Variants in TTC3 observed in about 807,000 individuals in gnomAD.
The protein encoded by TTC3 is E3 ubiquitin-protein ligase TTC3.
Under a neutral mutation model 249.6 loss-of-function variants are expected in TTC3, and 180 were observed. That is an observed-to-expected ratio of 0.72 (90% CI 0.64 to 0.82). The LOEUF is 0.82. Ranked by LOEUF, TTC3 falls within the 40% of genes least tolerant of loss-of-function variation. The pLI is 0.00. For missense variants in TTC3, 2,061 were observed against 2,398.4 expected, an observed-to-expected ratio of 0.86 and a Z score of 2.94; for synonymous variants, 717 against 805.0, an observed-to-expected ratio of 0.89 and a Z score of 1.85.
intron 11 of TTC3, among the ~76,000 whole-genome samples, chr21:37,108,854 C>T (rs1041960344): frequency 4.6e-5 from 7 of 152,168 alleles, no homozygotes; most frequent in Middle Eastern, 3.4e-3. Context: ...TTGGCTATAT[C>T]GAACTTAAAA....
intron 21 of TTC3, among the ~76,000 whole-genome samples, chr21:37,145,301 A>T (rs2078886465): frequency 6.6e-6 from 1 of 152,222 alleles, no homozygotes; most frequent in African/African-American, 2.4e-5. Flanking sequence ...TAATAAAAAG[A>T]CAAATAATCT....
chr21:37,192,019 C>A, intron 40 of TTC3, 93 bp from the exon 41 acceptor site: 1 of 779,344 alleles, frequency 1.3e-6, no homozygotes, highest in African/African-American at 1.8e-5. Context: ...AATTTCCTTA[C>A]CAAGACAGTT....
At chr21:37,144,757 A>G (rs773935814) in intron 21 of TTC3, 112 bp downstream of exon 21, 30 of 1,331,390 alleles carry the variant, frequency 2.3e-5, no homozygotes, top group Non-Finnish European at 3.1e-5. Context: ...CCTCCCTTAC[A>G]CGCATTTCCC....
At chr21:37,140,184 G>A (rs1257475159) in intron 19 of TTC3, among the ~76,000 whole-genome samples, 2 of 151,816 alleles carry the variant, frequency 1.3e-5, no homozygotes, top group South Asian at 2.1e-4. Context: ...CAAGGGATTA[G>A]CACTTAATAG....
At chr21:37,110,291 A>G (rs1168581223) in intron 11 of TTC3, among the ~76,000 whole-genome samples, 1 of 152,224 alleles carries the variant, frequency 6.6e-6, no homozygotes, top group Non-Finnish European at 1.5e-5. Context: ...ACCAATGGCA[A>G]AGAAGTTAGA....
chr21:37,163,544 T>G (rs900932031), intron 31 of TTC3, among the ~76,000 whole-genome samples: 7 of 152,076 alleles, frequency 4.6e-5, no homozygotes, highest in African/African-American at 1.4e-4. Flanking sequence ...GGGACGGGGT[T>G]TTTCCATGTT....
intron 1 of TTC3, chr21:37,082,612 G>A: frequency 2.0e-6 from 2 of 985,356 alleles, no homozygotes; most frequent in Non-Finnish European, 2.4e-6. Context: ...CTAAACTGTA[G>A]CCAGGTTTAA....
chr21:37,195,824 G>GCTGTTGC lies in TTC3; in HGVS notation c.5369_5375dup (p.Gly1793ValfsTer10). On this transcript the variant is annotated frameshift_variant, in exon 42 of 46. Coordinates refer to ENST00000355666, the Ensembl canonical transcript of TTC3. LOFTEE classifies it high-confidence loss of function. ...ATTCCCCAGGGGAGGCTCCTTCTGC[G>GCTGTTGC]CTGTTGCCAGGGCCACCCCCTGGTC... 1 of 1,614,212 alleles carries GCTGTTGC rather than the reference G, an allele frequency of 6.2e-7. No individual in the cohort carries two copies.
At chr21:37,124,583 A>G (rs2835613) in intron 13 of TTC3, 36 bp from the exon 14 acceptor site, 768,776 of 1,594,280 alleles carry the variant, frequency 0.48, 189,037 homozygotes, top group African/African-American at 0.64. Flanking sequence ...ATAACTTTCA[A>G]AAAATGTATA....
intron 2 of TTC3, 132 bp from the exon 3 acceptor site, chr21:37,087,701 T>G: frequency 1.3e-6 from 1 of 796,968 alleles, no homozygotes; most frequent in Non-Finnish European, 2.0e-6. Context: ...TTAAGACTCT[T>G]TGGCTGAAGA....
intron 11 of TTC3, among the ~76,000 whole-genome samples, chr21:37,111,606 T>C (rs896188713): frequency 1.3e-5 from 2 of 152,158 alleles, no homozygotes; most frequent in African/African-American, 4.8e-5. Flanking sequence ...AATGGGAGAC[T>C]TTAACACCCC....
chr21:37,159,869 G>A (rs1170004411), intron 29 of TTC3, 124 bp downstream of exon 29: 41 of 838,396 alleles, frequency 4.9e-5, no homozygotes, highest in East Asian at 7.7e-5. Context: ...TTAAAAGGAC[G>A]TCTGGGTAGT....
chr21:37,104,679 C>G (rs2074901663), intron 10 of TTC3, among the ~76,000 whole-genome samples: 1 of 151,160 alleles, frequency 6.6e-6, no homozygotes, highest in African/African-American at 2.4e-5. Flanking sequence ...GTCTGGAACT[C>G]AAAGGAGGGT....
chr21:37,150,870 A>C, exon 25 of TTC3: 1 of 1,608,648 alleles, frequency 6.2e-7, no homozygotes, highest in East Asian at 2.2e-5. Flanking sequence ...CTATTCTGAA[A>C]CAGAAATGTT....
chr21:37,120,459 C>A (rs2076491969), intron 11 of TTC3, among the ~76,000 whole-genome samples: 1 of 152,072 alleles, frequency 6.6e-6, no homozygotes, highest in African/African-American at 2.4e-5. Flanking sequence ...GGTTTATGAT[C>A]TATCATTATT....
chr21:37,179,918 T>C (rs935128291), intron 35 of TTC3, among the ~76,000 whole-genome samples: 5 of 152,220 alleles, frequency 3.3e-5, no homozygotes, highest in Non-Finnish European at 5.9e-5. Context: ...ATTTAATGAA[T>C]TGTGTTTTCA....
At chr21:37,169,856 A>AC (rs200316305) in intron 34 of TTC3, among the ~76,000 whole-genome samples, 1,600 of 151,938 alleles carry the variant, frequency 0.011, 25 homozygotes, top group African/African-American at 0.037. Context: ...TCAAAAAAAA[A>AC]AAAACAAAAA....
chr21:37,100,756 A>G (rs1404940065), intron 10 of TTC3: 4 of 152,126 alleles, frequency 2.6e-5, no homozygotes, highest in African/African-American at 7.2e-5. Flanking sequence ...CACATTGAGG[A>G]TTGTGTTTAT....
rs35551483 is a variant in TTC3 at position 37,089,984 on chromosome 21, C to CAA, written c.427-236_427-235dup. Among the ~76,000 whole-genome samples the CAA allele has an allele frequency of 5.0e-3, 711 of 141,866 alleles. 11 individuals carry two copies. The highest frequency in any genetic ancestry group is 0.017 in the African/African-American group (627 of 37,904). 93.1% of individuals were successfully genotyped at this position (141,866 alleles called of 152,430 possible). ...TGGGTGACAGAGTGAGACCCTGTCT[C>CAA]AAAAAAAAAAAAAATTCACATGTCT... On this transcript the variant is annotated intron_variant, in intron 5 of 45. Coordinates refer to ENST00000355666, the Ensembl canonical transcript of TTC3.
Sources: allele counts gnomAD v4.1 joint callset (sites outside exome capture counted in the v4.1 genomes callset), GRCh38; gene constraint gnomAD v4.1.1; transcripts MANE v1.5; gene names NCBI Gene and HGNC (gene_info 2026-07-23, HGNC 2026-07-21).